Variants in UNC45A observed in about 807,000 individuals in gnomAD.
UNC45A encodes the protein unc-45 myosin chaperone A.
A neutral mutation model predicts 103.2 loss-of-function variants in UNC45A; 78 were observed. That is an observed-to-expected ratio of 0.76 (90% CI 0.63 to 0.91). The LOEUF (loss-of-function observed/expected upper bound fraction) is 0.91, where lower values mean the gene tolerates loss of function less well. UNC45A is among the 40% of genes least tolerant of loss of function. UNC45A has a pLI of 0.00. For synonymous variants in UNC45A, 495 were observed against 504.6 expected, an observed-to-expected ratio of 0.98 and a Z score of 0.25; for missense variants, 1,193 against 1,224.8, an observed-to-expected ratio of 0.97 and a Z score of 0.39.
chr15:90,939,875 C>T, intron 5 of UNC45A, 52 bp downstream of exon 5: 1 of 1,456,902 alleles, frequency 6.9e-7, no homozygotes, highest in Non-Finnish European at 9.0e-7. Context: ...AGCCACCCAT[C>T]CATAGGCCCC....
chr15:90,931,085 A>T, upstream of UNC45A: 1 of 627,814 alleles, frequency 1.6e-6, no homozygotes, highest in Admixed American at 3.0e-5. Flanking sequence ...GGTACATCTG[A>T]TTCCCACCAC....
Position 90,946,802 on chromosome 15 carries a change from A to C in UNC45A, c.1388A>C (p.His463Pro). ...EQLVAVEALI[H>P]AAGKAKRASF... ...CTGGTGGCCGTGGAGGCTCTGATCCATGCAGCCGGCAAGGCTAAGCGGGCC... is the reference window on the plus strand; with the variant it reads ...CTGGTGGCCGTGGAGGCTCTGATCCCTGCAGCCGGCAAGGCTAAGCGGGCC... Residue 463 changes from histidine (H) to proline (P), a missense_variant, in exon 10 of 20, where the codon CAT (histidine) becomes CCT (proline). By Grantham distance (77) the His-to-Pro change is moderately conservative. Transcript: ENST00000418476. 1 of 1,614,244 alleles carries C rather than the reference A, an allele frequency of 6.2e-7. No homozygotes were observed. Among genetic ancestry groups the C allele is most frequent in the South Asian group, 1.1e-5 (1 of 91,084 alleles).
At position 90,954,046 on chromosome 15, in the gene UNC45A, G is replaced by A. The variant is rs1206582278; in HGVS notation, c.*330G>A. The A allele has an allele frequency of 2.7e-6, 1 of 365,526 alleles. No homozygotes were observed. The allele number at this position is 365,526 out of a possible 1,614,324, so 22.6% of individuals were successfully genotyped here. On this transcript the variant is annotated 3_prime_UTR_variant, in exon 20 of 20. Transcript: ENST00000418476. ...ACACATCAGCAGCCTCACCAGCTGTGAGCCTGCTATCAGGCCTGCCCCTCC... is the reference window on the plus strand; with the variant it reads ...ACACATCAGCAGCCTCACCAGCTGTAAGCCTGCTATCAGGCCTGCCCCTCC...
chr15:90,940,575 A>G (rs1309233212), intron 6 of UNC45A, 102 bp downstream of exon 6: 10 of 1,406,378 alleles, frequency 7.1e-6, no homozygotes, highest in Non-Finnish European at 9.6e-6. Flanking sequence ...CTGCCCGTCC[A>G]TCCATCCATC....
At chr15:90,952,122 C>T (rs1339220587) in intron 17 of UNC45A, 1 of 152,282 alleles carries the variant, frequency 6.6e-6, no homozygotes, top group Non-Finnish European at 1.5e-5. Context: ...ATCCTCAGCC[C>T]AGGACTTGAT....
chr15:90,939,660 CA>C, intron 4 of UNC45A, 70 bp from the exon 5 acceptor site: 1 of 1,532,642 alleles, frequency 6.5e-7, no homozygotes, highest in African/African-American at 1.4e-5. Flanking sequence ...GAGCTGGAGA[CA>C]AATGAATAGG....
Position 90,950,222 on chromosome 15 carries a change from G to A in UNC45A, c.2142G>A (p.Lys714=), listed in dbSNP as rs938473210. The A allele has an allele frequency of 3.9e-6, 6 of 1,551,760 alleles. No individual in the cohort carries two copies. In the African/African-American group the frequency reaches 6.8e-5, roughly 18 times the overall value. The part of the protein sequence containing the change: ...GQTKAAQALA[K]LTITSNPEMT... Reference sequence around the variant, plus strand: ...CAAAGGCAGCCCAGGCCCTTGCCAAGCTCACCATCACCTCCAACCCGGAGA... The same window carrying A: ...CAAAGGCAGCCCAGGCCCTTGCCAAACTCACCATCACCTCCAACCCGGAGA... Residue 714 remains lysine (K), a synonymous_variant, in exon 16 of 20, where the codon AAG becomes AAA. Coordinates refer to ENST00000418476, the MANE Select transcript of UNC45A (RefSeq NM_018671.5).
At chr15:90,936,966 C>T (rs938208948) in intron 4 of UNC45A, among the ~76,000 whole-genome samples, 4 of 152,174 alleles carry the variant, frequency 2.6e-5, no homozygotes, top group African/African-American at 9.7e-5. Flanking sequence ...GGGTAATGTC[C>T]TTACTACAGA....
At chr15:90,949,280 G>T in intron 13 of UNC45A, 36 bp from the exon 14 acceptor site, 1 of 1,602,432 alleles carries the variant, frequency 6.2e-7, no homozygotes. Context: ...CTGTGAGTCA[G>T]CCTAGGCCCC....
At chr15:90,932,883 A>G, upstream of UNC45A, 1 of 253,084 alleles carries the variant, frequency 4.0e-6, no homozygotes, top group Non-Finnish European at 7.5e-6. Context: ...GCCAAGGCTC[A>G]GGGGACTATG....
intron 6 of UNC45A, chr15:90,941,033 T>C (rs796881163): frequency 5.9e-5 from 9 of 151,390 alleles, no homozygotes; most frequent in African/African-American, 2.2e-4. Context: ...TGAAGTGGGG[T>C]AGAAAGAGCA....
At chr15:90,939,509 G>A (rs961274396) in intron 4 of UNC45A, among the ~76,000 whole-genome samples, 2 of 152,178 alleles carry the variant, frequency 1.3e-5, no homozygotes, top group African/African-American at 2.4e-5. Context: ...CGCAGCCCCT[G>A]CTGCCCAAGC....
In UNC45A at chr15:90,947,887, G is replaced by T. The variant is rs201720293; in HGVS notation, c.1592G>T (p.Arg531Leu). 7.4e-6 allele frequency: 12 copies of T among 1,613,150 alleles called. No homozygotes were observed. In the Admixed American group the frequency reaches 1.8e-4, roughly 25 times the overall value. ...GSTLKLAKQCRKWLCNDQIDA... is the reference protein window; with the variant it reads ...GSTLKLAKQCLKWLCNDQIDA... ...ACTCTCAAACTGGCTAAGCAGTGTC[G>T]AAAGTGAGTCATCTGGCCTTGCTGT... The change falls in exon 11 of 20, where the codon CGA (arginine) becomes CTA (leucine). Residue 531 changes from arginine (R) to leucine (L), a missense_variant. Coordinates refer to ENST00000418476, the MANE Select transcript of UNC45A (RefSeq NM_018671.5).
chr15:90,953,470 G>C lies in UNC45A; in HGVS notation c.2589G>C (p.Trp863Cys), dbSNP rs1040059247. 3 of 1,613,700 alleles carry C rather than the reference G, an allele frequency of 1.9e-6. No individual in the cohort carries two copies. The highest frequency in any genetic ancestry group is 2.7e-5 in the African/African-American group (2 of 75,024). Residue 863 changes from tryptophan (W) to cysteine (C), a missense_variant, in exon 20 of 20, where the codon TGG (tryptophan) becomes TGC (cysteine). By Grantham distance (215) the Trp-to-Cys change is radical (BLOSUM62 -2). Transcript: ENST00000418476. ...CSRIPQVTTH[W>C]LEILQALLLS... ...TGTTTTTCTCACAGACCACACACTGGCTGGAGATCCTGCAGGCCCTGCTTC... is the reference window on the plus strand; with the variant it reads ...TGTTTTTCTCACAGACCACACACTGCCTGGAGATCCTGCAGGCCCTGCTTC...
intron 19 of UNC45A, 62 bp from the exon 20 acceptor site, chr15:90,953,397 G>C: frequency 6.2e-7 from 1 of 1,600,708 alleles, no homozygotes; most frequent in Non-Finnish European, 8.5e-7. Flanking sequence ...GTGTGTGGGT[G>C]TGTCCCTTGC....
chr15:90,953,981 C>T lies in UNC45A; in HGVS notation c.*265C>T. 2.0e-6 allele frequency: 1 copy of T among 512,538 alleles called. No homozygotes were observed. Among genetic ancestry groups the T allele is most frequent in the Non-Finnish European group, 3.5e-6 (1 of 282,972 alleles). The allele number at this position is 512,538 out of a possible 1,614,324, so 31.7% of individuals were successfully genotyped here. A position where few individuals can be genotyped will look rare whatever the true frequency, so the allele number is the denominator to read the frequency against. ...CAGCTGGGAATGGGGAAGGTGCATC[C>T]CAACACAGCCTGTGGATCCTGGGGC... On this transcript the variant is annotated 3_prime_UTR_variant, in exon 20 of 20. Coordinates refer to ENST00000418476, the MANE Select transcript of UNC45A (RefSeq NM_018671.5).
intron 8 of UNC45A, among the ~76,000 whole-genome samples, chr15:90,944,071 A>G (rs973057531): frequency 2.0e-5 from 3 of 147,094 alleles, no homozygotes; most frequent in Non-Finnish European, 4.4e-5. Context: ...AGATATATCA[A>G]TTCATCTCTC....
Position 90,936,266 on chromosome 15 carries a change from C to A in UNC45A, c.251-19C>A. On this transcript the variant is annotated intron_variant, in intron 3 of 19. Coordinates refer to ENST00000418476, the MANE Select transcript of UNC45A (RefSeq NM_018671.5). ...ACAGTGGCCTCATGGGTGCTGACAG[C>A]GCTCCTGTTTGTGCTCAGCCATTGA... 1 of 1,603,970 alleles carries A rather than the reference C, an allele frequency of 6.2e-7. No homozygotes were observed. Among genetic ancestry groups the A allele is most frequent in the Non-Finnish European group, 8.5e-7 (1 of 1,174,810 alleles).
At chr15:90,932,187 G>C, upstream of UNC45A, 1 of 1,456,166 alleles carries the variant, frequency 6.9e-7, no homozygotes, top group Non-Finnish European at 9.3e-7. Context: ...TGGAGAGCCA[G>C]ATGTGGCCCC....
Sources: gnomAD v4.1 joint callset for allele counts (sites outside exome capture counted in the v4.1 genomes callset) on GRCh38, gnomAD v4.1.1 for gene constraint, MANE v1.5 for transcripts, NCBI Gene and HGNC (gene_info 2026-07-23, HGNC 2026-07-21) for gene names.